The following SPHKAP variants were observed in gnomAD, a reference collection of about 807,000 sequenced individuals.
The protein encoded by SPHKAP is SPHK1 interactor, AKAP domain containing.
Under a neutral mutation model 137.5 loss-of-function variants are expected in SPHKAP, and 67 were observed. That is an observed-to-expected ratio of 0.49 (90% CI 0.40 to 0.60). SPHKAP has a LOEUF of 0.60. Among genes scored for constraint, SPHKAP ranks in the 20% least tolerant of loss-of-function variants. The pLI is 0.00. For synonymous variants in SPHKAP, 813 were observed against 785.3 expected, an observed-to-expected ratio of 1.04 and a Z score of -0.59; for missense variants, 2,097 against 2,069.3, an observed-to-expected ratio of 1.01 and a Z score of -0.26.
intron 1 of SPHKAP, among the ~76,000 whole-genome samples, chr2:228,162,982 A>G (rs939849824): frequency 2.6e-5 from 4 of 152,190 alleles, no homozygotes; most frequent in African/African-American, 7.2e-5. Flanking sequence ...TACAGGTGTG[A>G]GTCACGTGCC....
chr2:228,096,247 TAGA>T (rs974745545), intron 3 of SPHKAP, among the ~76,000 whole-genome samples: 5 of 152,180 alleles, frequency 3.3e-5, no homozygotes, highest in African/African-American at 1.2e-4. Flanking sequence ...AGGGCAGATG[TAGA>T]AGACTTTGAA....
In SPHKAP at chr2:228,131,680, T is replaced by C. The variant is rs566052124; in HGVS notation, c.138+300A>G. ...CATTCAAAATGCATGAACATTTTTC[T>C]GAAAGGAGATGCAAGAAACTGTTAT... is the stretch of plus-strand genomic sequence containing the variant. On this transcript the variant is annotated intron_variant, in intron 2 of 11. Coordinates refer to ENST00000392056, the MANE Select transcript of SPHKAP (RefSeq NM_001142644.2). The C allele has an allele frequency of 7.2e-6, 4 of 557,960 alleles. No individual in the cohort carries two copies. The East Asian group carries it at 4.5e-4, about 62-fold the overall frequency. The allele number at this position is 557,960 out of a possible 1,614,324, so 34.6% of individuals were successfully genotyped here.
At chr2:228,082,145 G>A (rs1025704873) in intron 3 of SPHKAP, among the ~76,000 whole-genome samples, 1 of 152,178 alleles carries the variant, frequency 6.6e-6, no homozygotes, top group East Asian at 1.9e-4. Flanking sequence ...TTCAAGGACT[G>A]TATTTTGCCA....
chr2:228,075,552 A>G (rs1394421413), intron 3 of SPHKAP, among the ~76,000 whole-genome samples: 4 of 152,178 alleles, frequency 2.6e-5, no homozygotes, highest in Admixed American at 1.3e-4. Context: ...ATGGCAAATT[A>G]GGGCTTATAG....
intron 3 of SPHKAP, among the ~76,000 whole-genome samples, chr2:228,070,314 T>C (rs184635603): frequency 6.6e-6 from 1 of 152,206 alleles, no homozygotes; most frequent in East Asian, 1.9e-4. Flanking sequence ...AGAGGAAGTG[T>C]TGGTCCTACT....
At chr2:228,048,143 C>T (rs759418516) in intron 3 of SPHKAP, among the ~76,000 whole-genome samples, 2 of 152,030 alleles carry the variant, frequency 1.3e-5, no homozygotes, top group Non-Finnish European at 2.9e-5. Flanking sequence ...CCTTGAAATC[C>T]CTTTTGATTA....
intron 11 of SPHKAP, among the ~76,000 whole-genome samples, chr2:227,986,565 T>C (rs780198703): frequency 1.3e-5 from 2 of 152,196 alleles, no homozygotes; most frequent in Admixed American, 6.5e-5. Flanking sequence ...CAAAAACCTA[T>C]GGAAGTAAAA....
chr2:228,161,702 TAGAAC>T (rs777786737), intron 1 of SPHKAP, among the ~76,000 whole-genome samples: 12 of 151,144 alleles, frequency 7.9e-5, no homozygotes, highest in Non-Finnish European at 1.3e-4. Flanking sequence ...GAACTAAAAA[TAGAAC>T]AAAATAAAAT....
In SPHKAP at chr2:228,016,977, A is replaced by G. The variant is rs1559347876; in HGVS notation, c.3877T>C (p.Tyr1293His). 2 of 1,614,110 alleles carry G rather than the reference A, an allele frequency of 1.2e-6. No individual in the cohort carries two copies. The highest frequency in any genetic ancestry group is 1.7e-6 in the Non-Finnish European group (2 of 1,180,014). Residue 1293 changes from tyrosine (Y) to histidine (H), a missense_variant, in exon 7 of 12, where the codon TAT (tyrosine) becomes CAT (histidine). Coordinates refer to ENST00000392056, the MANE Select transcript of SPHKAP (RefSeq NM_001142644.2). ...SGLCKSDSCL[Y>H]RRGGTDHITN... ...ATGTGGTCAGTCCCACCTCTCCGAT[A>G]CAAGCAAGAGTCAGATTTGCAGAGA... is the stretch of plus-strand genomic sequence containing the variant.
chr2:228,055,006 G>A (rs1266172655), intron 3 of SPHKAP, among the ~76,000 whole-genome samples: 1 of 151,946 alleles, frequency 6.6e-6, no homozygotes, highest in East Asian at 1.9e-4. Flanking sequence ...GCCAGGCATG[G>A]TGTTGCATGC....
At chr2:228,167,369 T>A (rs540449211) in intron 1 of SPHKAP, among the ~76,000 whole-genome samples, 2 of 152,186 alleles carry the variant, frequency 1.3e-5, no homozygotes, top group African/African-American at 4.8e-5. Context: ...ACCGATCTAC[T>A]GATAATTAAC....
chr2:228,021,578 T>C (rs1694841859), intron 6 of SPHKAP, 133 bp downstream of exon 6: 6 of 1,085,486 alleles, frequency 5.5e-6, no homozygotes, highest in Admixed American at 4.7e-5. Flanking sequence ...CCTTCCTTCC[T>C]TCCTTAAAAT....
At chr2:227,993,460 G>A in intron 9 of SPHKAP, 74 bp downstream of exon 9, 1 of 1,374,096 alleles carries the variant, frequency 7.3e-7, no homozygotes, top group African/African-American at 1.4e-5. Flanking sequence ...GGCACAACCT[G>A]AATGATCAAA....
At chr2:228,150,089 T>C (rs1045375269) in intron 1 of SPHKAP, among the ~76,000 whole-genome samples, 9 of 152,198 alleles carry the variant, frequency 5.9e-5, no homozygotes, top group African/African-American at 2.2e-4. Context: ...GGTTTTCTAG[T>C]GCTTTAATTT....
intron 3 of SPHKAP, among the ~76,000 whole-genome samples, chr2:228,107,050 T>C (rs1359436140): frequency 7.4e-5 from 11 of 148,742 alleles, no homozygotes; most frequent in Non-Finnish European, 1.6e-4. Context: ...AATGAACATA[T>C]GCATTAACTC....
rs1347231123 is a variant in SPHKAP at position 228,016,660 on chromosome 2, A to G, written c.4194T>C (p.Pro1398=). ...AGGAAGTTTCTTTTTTAGAATCTAA[A>G]GGGCTGTGGTTTGTAAGAGAAGCAG... ...SKTASLTNHS[P]LDSKKETSSC... Residue 1398 remains proline, a synonymous_variant, in exon 7 of 12, where the codon CCT becomes CCC. Coordinates refer to ENST00000392056, the MANE Select transcript of SPHKAP (RefSeq NM_001142644.2). 1 of 1,613,854 alleles carries G rather than the reference A, an allele frequency of 6.2e-7. No individual in the cohort carries two copies. Among genetic ancestry groups the G allele is most frequent in the African/African-American group, 1.3e-5 (1 of 74,868 alleles).
chr2:228,164,609 C>T (rs1700367829), intron 1 of SPHKAP, among the ~76,000 whole-genome samples: 1 of 152,228 alleles, frequency 6.6e-6, no homozygotes, highest in African/African-American at 2.4e-5. Flanking sequence ...ACATTGAAAA[C>T]CATCAGTGAC....
intron 9 of SPHKAP, 113 bp downstream of exon 9, chr2:227,993,421 C>T: frequency 2.2e-6 from 2 of 922,578 alleles, no homozygotes; most frequent in Admixed American, 4.1e-5. Context: ...GGAACCACAG[C>T]AGTACAGACA....
chr2:228,161,074 A>T (rs1205771858), intron 1 of SPHKAP, among the ~76,000 whole-genome samples: 3 of 152,210 alleles, frequency 2.0e-5, no homozygotes, highest in Non-Finnish European at 4.4e-5. Flanking sequence ...AAACAAGTAC[A>T]AATGTGTCAC....
Sources: gnomAD v4.1 joint callset for allele counts (sites outside exome capture counted in the v4.1 genomes callset) on GRCh38, gnomAD v4.1.1 for gene constraint, MANE v1.5 for transcripts, NCBI Gene and HGNC (gene_info 2026-07-23, HGNC 2026-07-21) for gene names.